The following MAP3K4 variants were observed in gnomAD, a reference collection of about 807,000 sequenced individuals.
MAP3K4 encodes mitogen-activated protein kinase kinase kinase 4.
In MAP3K4, 67 loss-of-function variants were observed where a neutral mutation model predicts 185.6. That is an observed-to-expected ratio of 0.36 (90% confidence interval 0.30 to 0.44). The LOEUF (loss-of-function observed/expected upper bound fraction) is 0.44, where lower values mean the gene tolerates loss of function less well. Ranked by LOEUF, MAP3K4 falls within the 20% of genes least tolerant of loss-of-function variation. MAP3K4 has a pLI of 1.00. For synonymous variants in MAP3K4, 702 were observed against 710.4 expected (o/e 0.99, Z 0.19); for missense variants, 1,551 against 1,995.1 (o/e 0.78, Z 4.24).
chr6:161,060,782 G>A (rs1784452940), intron 3 of MAP3K4, among the ~76,000 whole-genome samples: 1 of 151,884 alleles, frequency 6.6e-6, no homozygotes, highest in South Asian at 2.1e-4. Flanking sequence ...ACCACGCCCA[G>A]GTAATTTTTT....
In MAP3K4 at chr6:161,034,150, G is replaced by A; in HGVS notation, c.153-109G>A. 1.1e-6 allele frequency: 1 copy of A among 873,362 alleles called. No homozygotes were observed. Among genetic ancestry groups the A allele is most frequent in the South Asian group, 2.0e-5 (1 of 49,800 alleles). The allele number at this position is 873,362 out of a possible 1,614,324, so 54.1% of individuals were successfully genotyped here. On this transcript the variant is annotated intron_variant, in intron 1 of 26. Coordinates refer to ENST00000392142, the MANE Select transcript of MAP3K4 (RefSeq NM_005922.4). The surrounding 1 kb of genome is among the most constrained non-coding windows in gnomAD (Gnocchi z 4.4). ...ATGAGGAGGAGCACAGTGCTGAAGA[G>A]ATTTTTCTGTACAAAAGTTTTACAA...
chr6:161,087,650 A>G lies in MAP3K4; in HGVS notation c.2557-38A>G, dbSNP rs201637846. The G allele has an allele frequency of 2.1e-5, 34 of 1,606,216 alleles. No individual in the cohort carries two copies. The East Asian group carries it at 7.1e-4, about 34-fold the overall frequency. On this transcript the variant is annotated intron_variant, in intron 9 of 26. Coordinates refer to ENST00000392142, the MANE Select transcript of MAP3K4 (RefSeq NM_005922.4). The surrounding 1 kb of genome is among the most constrained non-coding windows in gnomAD (Gnocchi z 4.9). ...TTTAAATAACCTATTTCTCTAATGT[A>G]CAGTGTTCCTTAAGATTTTGGATTA...
chr6:161,099,195 T>C (rs904895866), intron 17 of MAP3K4, among the ~76,000 whole-genome samples: 5 of 152,208 alleles, frequency 3.3e-5, no homozygotes, highest in African/African-American at 9.6e-5. Flanking sequence ...ACTATGTAGA[T>C]TGGGGGTATG....
At chr6:161,099,102 G>T (rs1777714845) in intron 17 of MAP3K4, among the ~76,000 whole-genome samples, 1 of 152,178 alleles carries the variant, frequency 6.6e-6, no homozygotes, top group Non-Finnish European at 1.5e-5. Context: ...AGGAAGAGCT[G>T]TTGTTCTCTC....
At position 161,075,555 on chromosome 6, in the gene MAP3K4, C is replaced by T. The variant is rs1412255727; in HGVS notation, c.2097+1943C>T. Among the ~76,000 whole-genome samples the T allele has an allele frequency of 3.9e-5, 6 of 152,126 alleles. No homozygotes were observed. The highest frequency in any genetic ancestry group is 1.4e-4 in the African/African-American group (6 of 41,432). On this transcript the variant is annotated intron_variant, in intron 5 of 26. Transcript: ENST00000392142. This position sits in a 1 kb window ranked among gnomAD's most constrained non-coding sequence, Gnocchi z 4.3. ...TTTTCTCTCTTTATGGGTAACTAAA[C>T]CAGAAGTTTAAGAAGACAGAATATG...
In MAP3K4 at chr6:161,073,712, T is replaced by C. The variant is rs1785050080; in HGVS notation, c.2097+100T>C. ...GTTTTGCAAACAGCGTTGGCATACA[T>C]ATTCAGATAAACTTCTCTAGTAATG... On this transcript the variant is annotated intron_variant, in intron 5 of 26. Transcript: ENST00000392142. This position sits in a 1 kb window ranked among gnomAD's most constrained non-coding sequence, Gnocchi z 4.2. The C allele has an allele frequency of 8.1e-7, 1 of 1,236,626 alleles. No individual in the cohort carries two copies. Among genetic ancestry groups the C allele is most frequent in the Non-Finnish European group, 1.1e-6 (1 of 899,824 alleles). The allele number at this position is 1,236,626 out of a possible 1,614,324, so 76.6% of individuals were successfully genotyped here.
chr6:161,078,488 C>A (rs1785282533), intron 5 of MAP3K4, among the ~76,000 whole-genome samples: 2 of 152,210 alleles, frequency 1.3e-5, no homozygotes, highest in African/African-American at 4.8e-5. Context: ...GAAAGATGAG[C>A]AGTCAGTGGA....
chr6:161,112,599 C>T lies in MAP3K4; in HGVS notation c.4520-69C>T. ...AATATTGTACAATATTAATTTATTG[C>T]TTGGCTCTATTAATACATGTTGATG... On this transcript the variant is annotated intron_variant, in intron 24 of 26. Coordinates refer to ENST00000392142, the MANE Select transcript of MAP3K4 (RefSeq NM_005922.4). This position sits in a 1 kb window ranked among gnomAD's most constrained non-coding sequence, Gnocchi z 5.1. 1.1e-6 allele frequency: 1 copy of T among 901,384 alleles called. No homozygotes were observed. The highest frequency in any genetic ancestry group is 3.6e-5 in the South Asian group (1 of 27,808). The allele number at this position is 901,384 out of a possible 1,614,324, so 55.8% of individuals were successfully genotyped here. A position where few individuals can be genotyped will look rare whatever the true frequency, so the allele number is the denominator to read the frequency against.
rs959097560 is a variant in MAP3K4, at chr6:161,022,549, G to A, written c.153-11710G>A. ...ATGCTATGCTCTCTCTCCACCTGGA[G>A]GGACTTTGTCCCACAGGAGAAGTGA... is the stretch of plus-strand genomic sequence containing the variant. On this transcript the variant is annotated intron_variant, in intron 1 of 26. Coordinates refer to ENST00000392142, the MANE Select transcript of MAP3K4 (RefSeq NM_005922.4). This position sits in a 1 kb window ranked among gnomAD's most constrained non-coding sequence, Gnocchi z 4.2. 2.0e-5 allele frequency among the ~76,000 whole-genome samples: 3 copies of A among 152,178 alleles called. No individual in the cohort carries two copies. Among genetic ancestry groups the A allele is most frequent in the Non-Finnish European group, 4.4e-5 (3 of 68,042 alleles).
chr6:161,019,210 A>C (rs945936511), intron 1 of MAP3K4, among the ~76,000 whole-genome samples: 1 of 152,366 alleles, frequency 6.6e-6, no homozygotes, highest in East Asian at 1.9e-4. Context: ...AGTAGGGTCA[A>C]CACAGAAGAA....
intron 1 of MAP3K4, among the ~76,000 whole-genome samples, chr6:161,029,845 G>T (rs1377165112): frequency 1.3e-5 from 2 of 151,948 alleles, no homozygotes; most frequent in Non-Finnish European, 2.9e-5. Flanking sequence ...TAAGTGTTTT[G>T]TTTGTTTGTT....
chr6:161,081,959 T>G (rs541214465), intron 6 of MAP3K4, among the ~76,000 whole-genome samples: 1 of 152,202 alleles, frequency 6.6e-6, no homozygotes, highest in Non-Finnish European at 1.5e-5. Flanking sequence ...TTCTGCTGCC[T>G]ACCCTGTCTC....
intron 11 of MAP3K4, among the ~76,000 whole-genome samples, chr6:161,089,961 C>T (rs1785944570): frequency 6.6e-6 from 1 of 152,186 alleles, no homozygotes; most frequent in African/African-American, 2.4e-5. Context: ...CCCAGCCTGG[C>T]TGTCTTTTTC....
chr6:161,093,173 T>C lies in MAP3K4; in HGVS notation c.3348+117T>C. Reference sequence around the variant, plus strand: ...TTTTCATGAGATATTAATCTCAGCATATCATGTAATGATAATGCTGAGAAA... The same window carrying C: ...TTTTCATGAGATATTAATCTCAGCACATCATGTAATGATAATGCTGAGAAA... On this transcript the variant is annotated intron_variant, in intron 14 of 26. Coordinates refer to ENST00000392142, the MANE Select transcript of MAP3K4 (RefSeq NM_005922.4). The surrounding 1 kb of genome is among the most constrained non-coding windows in gnomAD (Gnocchi z 5.2). 1.5e-6 allele frequency: 1 copy of C among 659,532 alleles called. No homozygotes were observed. The highest frequency in any genetic ancestry group is 2.0e-5 in the South Asian group (1 of 49,684). 40.9% of individuals were successfully genotyped at this position (659,532 alleles called of 1,614,324 possible).
chr6:161,107,888 A>C lies in MAP3K4; in HGVS notation c.4049-11A>C. 6.2e-7 allele frequency: 1 copy of C among 1,612,738 alleles called. No individual in the cohort carries two copies. Among genetic ancestry groups the C allele is most frequent in the South Asian group, 1.1e-5 (1 of 91,014 alleles). On this transcript the variant is annotated splice_polypyrimidine_tract_variant and intron_variant, in intron 20 of 26. Coordinates refer to ENST00000392142, the MANE Select transcript of MAP3K4 (RefSeq NM_005922.4). The surrounding 1 kb of genome is among the most constrained non-coding windows in gnomAD (Gnocchi z 6.2). ...GTGGCTGGAAGTGCAGCTTGTTTGC[A>C]TTGTTCACAGGAGAAGGCCAGTATG...
At chr6:161,009,763 T>C (rs1356822416) in intron 1 of MAP3K4, among the ~76,000 whole-genome samples, 2 of 152,188 alleles carry the variant, frequency 1.3e-5, no homozygotes, top group Non-Finnish European at 2.9e-5. Flanking sequence ...TTCTTGACAT[T>C]ACAATAATAA....
chr6:161,092,045 G>T lies in MAP3K4; in HGVS notation c.3171G>T (p.Glu1057Asp), dbSNP rs1777333959. The T allele has an allele frequency of 4.3e-6, 7 of 1,613,288 alleles. No homozygotes were observed. In the East Asian group the frequency reaches 1.6e-4, roughly 36 times the overall value. Residue 1057 changes from glutamate (E) to aspartate (D), a missense_variant, in exon 13 of 27, where the codon GAG becomes GAT. By Grantham distance (45) the Glu-to-Asp change is conservative. Coordinates refer to ENST00000392142, the MANE Select transcript of MAP3K4 (RefSeq NM_005922.4). ...HKEVVRLMSGEFRQKIGDKYI... is the reference protein window; with the variant it reads ...HKEVVRLMSGDFRQKIGDKYI... ...AAGTTGTTCGTTTGATGTCTGGGGA[G>T]TTTAGACAGAAGATAGGAGACAAAT...
rs779780954 is a variant in MAP3K4, at chr6:161,106,518, T to C, written c.3861T>C (p.Thr1287=). 1.2e-6 allele frequency: 2 copies of C among 1,605,948 alleles called. No homozygotes were observed. The highest frequency in any genetic ancestry group is 1.1e-5 in the South Asian group (1 of 90,292). ...LRTLISQSKD[T]ASKLGPIEAI... Reference sequence around the variant, plus strand: ...AGGTTTTGGTTCTCTCTGCAGATACTGCTTCTAAACTAGGACCCATAGAAG... The same window carrying C: ...AGGTTTTGGTTCTCTCTGCAGATACCGCTTCTAAACTAGGACCCATAGAAG... Residue 1287 remains threonine (T), a synonymous_variant, in exon 20 of 27, where the codon ACT becomes ACC. Coordinates refer to ENST00000392142, the MANE Select transcript of MAP3K4 (RefSeq NM_005922.4). The surrounding 1 kb of genome is among the most constrained non-coding windows in gnomAD (Gnocchi z 4.9).
At chr6:161,038,276 G>A (rs1321365681) in intron 2 of MAP3K4, among the ~76,000 whole-genome samples, 1 of 152,218 alleles carries the variant, frequency 6.6e-6, no homozygotes, top group Non-Finnish European at 1.5e-5. Flanking sequence ...GTATTGAGAA[G>A]ACCTGGGCTT....
Sources: gnomAD v4.1 joint callset for allele counts (sites outside exome capture counted in the v4.1 genomes callset) on GRCh38, gnomAD v4.1.1 for gene constraint, Gnocchi (gnomAD v3.1) non-coding constraint, MANE v1.5 for transcripts, NCBI Gene and HGNC (gene_info 2026-07-23, HGNC 2026-07-21) for gene names.